The following SEL1L2 variants were observed in gnomAD, a reference collection of about 807,000 sequenced individuals.
SEL1L2 encodes protein sel-1 homolog 2.
SEL1L2 carries 89 observed loss-of-function variants against 98.8 expected under a neutral mutation model. The ratio of observed to expected loss-of-function variants is 0.90; its 90% CI spans 0.76 to 1.07. The LOEUF (loss-of-function observed/expected upper bound fraction) is 1.07. SEL1L2 is among the 50% of genes least tolerant of loss of function. SEL1L2 has a pLI of 0.00. For synonymous variants in SEL1L2, 262 were observed against 278.5 expected (o/e 0.94, Z 0.59); for missense variants, 788 against 812.0 (o/e 0.97, Z 0.36).
upstream of SEL1L2, among the ~76,000 whole-genome samples, chr20:13,992,737 A>C (rs1053888205): frequency 6.6e-6 from 1 of 152,172 alleles, no homozygotes; most frequent in Non-Finnish European, 1.5e-5. Flanking sequence ...TAATTTTCTC[A>C]GTTCTGATGG....
chr20:13,871,960 A>G (rs1350137007), intron 12 of SEL1L2, among the ~76,000 whole-genome samples: 2 of 152,230 alleles, frequency 1.3e-5, no homozygotes, highest in Non-Finnish European at 2.9e-5. Context: ...AGTAACCCTC[A>G]GTAACACAGG....
chr20:13,890,506 T>C (rs1449465182), intron 5 of SEL1L2, among the ~76,000 whole-genome samples: 1 of 152,178 alleles, frequency 6.6e-6, no homozygotes, highest in Non-Finnish European at 1.5e-5. Context: ...ACTGTGCTGA[T>C]TGGTGAAGAC....
chr20:13,884,958 C>G (rs2046881566), intron 10 of SEL1L2, among the ~76,000 whole-genome samples: 1 of 152,098 alleles, frequency 6.6e-6, no homozygotes, highest in East Asian at 1.9e-4. Context: ...ATGAAGTTGC[C>G]TCTCAGACTC....
At chr20:13,946,243 TA>T (rs1208658640) in intron 2 of SEL1L2, among the ~76,000 whole-genome samples, 12 of 152,068 alleles carry the variant, frequency 7.9e-5, no homozygotes, top group Non-Finnish European at 1.5e-4. Context: ...TAGAAATCCC[TA>T]GAGATTCTAC....
chr20:13,895,158 A>C (rs1455629805), intron 5 of SEL1L2, among the ~76,000 whole-genome samples: 1 of 152,168 alleles, frequency 6.6e-6, no homozygotes, highest in Non-Finnish European at 1.5e-5. Flanking sequence ...ATAAAAGTCA[A>C]TCAGGCTGGA....
At chr20:13,936,446 C>G (rs1043820352) in intron 2 of SEL1L2, among the ~76,000 whole-genome samples, 10 of 152,178 alleles carry the variant, frequency 6.6e-5, no homozygotes, top group African/African-American at 2.4e-4. Context: ...TACAACTTCC[C>G]CAATGACTCC....
intron 2 of SEL1L2, among the ~76,000 whole-genome samples, chr20:13,951,854 C>A (rs965688764): frequency 1.3e-5 from 2 of 151,676 alleles, no homozygotes; most frequent in African/African-American, 4.8e-5. Context: ...ACCAACCAAT[C>A]AATCAACCAA....
chr20:13,906,600 A>T (rs1432679149), intron 5 of SEL1L2, among the ~76,000 whole-genome samples: 1 of 151,992 alleles, frequency 6.6e-6, no homozygotes, highest in Non-Finnish European at 1.5e-5. Context: ...CATTAGGTGG[A>T]TACTAAAAAT....
chr20:13,967,907 C>T (rs1163400635), intron 1 of SEL1L2, among the ~76,000 whole-genome samples: 1 of 152,160 alleles, frequency 6.6e-6, no homozygotes, highest in Non-Finnish European at 1.5e-5. Context: ...AAATGATTTA[C>T]AATCATTATT....
intron 5 of SEL1L2, among the ~76,000 whole-genome samples, chr20:13,899,122 CTT>C (rs1215299874): frequency 2.0e-5 from 3 of 152,130 alleles, no homozygotes; most frequent in African/African-American, 7.2e-5. Context: ...TAAATATTCT[CTT>C]GAGTATACTA....
At chr20:13,872,955 G>A (rs934449115) in intron 12 of SEL1L2, among the ~76,000 whole-genome samples, 2 of 152,014 alleles carry the variant, frequency 1.3e-5, no homozygotes, top group African/African-American at 2.4e-5. Flanking sequence ...ACATGGAATG[G>A]CAGTCCTGTT....
At chr20:13,956,882 A>G in intron 1 of SEL1L2, among the ~76,000 whole-genome samples, 1 of 152,304 alleles carries the variant, frequency 6.6e-6, no homozygotes, top group Admixed American at 6.5e-5. Context: ...TGCTGTAAAC[A>G]AACAAATCTG....
intron 4 of SEL1L2, among the ~76,000 whole-genome samples, chr20:13,914,784 G>T (rs1044384524): frequency 6.6e-6 from 1 of 152,114 alleles, no homozygotes; most frequent in African/African-American, 2.4e-5. Flanking sequence ...TTATAGCATG[G>T]TAATTGTTCT....
chr20:13,867,298 G>A (rs544132292), intron 14 of SEL1L2, among the ~76,000 whole-genome samples: 2 of 152,198 alleles, frequency 1.3e-5, no homozygotes, highest in African/African-American at 2.4e-5. Flanking sequence ...CCAAGAAGCC[G>A]AACTCTCACC....
intron 1 of SEL1L2, among the ~76,000 whole-genome samples, chr20:13,961,036 A>T: frequency 6.6e-6 from 1 of 152,314 alleles, no homozygotes; most frequent in East Asian, 1.9e-4. Context: ...TATATGCTAG[A>T]TTCTTTAGAT....
intron 1 of SEL1L2, among the ~76,000 whole-genome samples, chr20:13,961,553 G>A (rs1324670962): frequency 6.6e-6 from 1 of 152,196 alleles, no homozygotes; most frequent in African/African-American, 2.4e-5. Context: ...TTGAACAAAA[G>A]CCACTAGCTT....
intron 5 of SEL1L2, among the ~76,000 whole-genome samples, chr20:13,900,366 A>T (rs973210559): frequency 2.0e-5 from 3 of 152,072 alleles, no homozygotes; most frequent in Admixed American, 6.6e-5. Flanking sequence ...AGTTATTTTT[A>T]AAAAATTGTG....
In SEL1L2 at chr20:13,914,553, C is replaced by T. The variant is rs906343016; in HGVS notation, c.387-609G>A. On this transcript the variant is annotated intron_variant, in intron 4 of 19. Coordinates refer to ENST00000284951, the MANE Select transcript of SEL1L2 (RefSeq NM_025229.2). ...TGACTGCCTGGTTCAAATCCTGGTC[C>T]CACCACTTACTAGTTGGAGAACTTC... Among the ~76,000 whole-genome samples, 4 of 152,138 alleles carry T rather than the reference C, an allele frequency of 2.6e-5. No homozygotes were observed. In the East Asian group the frequency reaches 7.7e-4, roughly 29 times the overall value.
intron 18 of SEL1L2, among the ~76,000 whole-genome samples, chr20:13,853,190 C>T (rs967849279): frequency 2.6e-5 from 4 of 152,024 alleles, no homozygotes; most frequent in Non-Finnish European, 5.9e-5. Flanking sequence ...CTAATATATT[C>T]CGCTAGCCTA....
Sources: allele counts gnomAD v4.1 joint callset (sites outside exome capture counted in the v4.1 genomes callset), GRCh38; gene constraint gnomAD v4.1.1; transcripts MANE v1.5; gene names NCBI Gene and HGNC (gene_info 2026-07-23, HGNC 2026-07-21).